Variants in NFKBID observed in about 807,000 individuals in gnomAD.
NFKBID encodes NF-kappa-B inhibitor delta.
A neutral mutation model predicts 53.4 loss-of-function variants in NFKBID; 26 were observed. That is an observed-to-expected ratio of 0.49 (90% CI 0.36 to 0.68). The LOEUF is 0.68. NFKBID is among the 30% of genes least tolerant of loss of function. NFKBID has a pLI of 0.00. For missense variants in NFKBID, 493 were observed against 614.1 expected, an observed-to-expected ratio of 0.80 and a Z score of 2.08; for synonymous variants, 262 against 259.8, an observed-to-expected ratio of 1.01 and a Z score of -0.08.
At chr19:35,897,915 C>G in intron 3 of NFKBID, 59 bp from the exon 4 acceptor site, 1 of 1,238,912 alleles carries the variant, frequency 8.1e-7, no homozygotes, top group Non-Finnish European at 1.1e-6. Context: ...GACGTCACAT[C>G]CAGGGCTAGA....
At chr19:35,893,101 C>T (rs1195673263) in intron 9 of NFKBID, among the ~76,000 whole-genome samples, 1 of 152,146 alleles carries the variant, frequency 6.6e-6, no homozygotes, top group South Asian at 2.1e-4. Flanking sequence ...GTCAGGAAGT[C>T]GAGGCTGCAG....
rs894719168 is a variant in NFKBID, at chr19:35,889,893, C to T, written c.1311G>A (p.Glu437=). The T allele has an allele frequency of 5.6e-6, 9 of 1,607,060 alleles. No individual in the cohort carries two copies. The African/African-American group carries it at 8.0e-5, about 14-fold the overall frequency. Residue 437 remains glutamate, a synonymous_variant, in exon 11 of 12, where the codon GAG becomes GAA. Transcript: ENST00000641389. Reference sequence around the variant, plus strand: ...GGCAGGCTCAGTGCTTACTTACCCCCTCAGGGCCCGGCCCGGGCCGCAGCA... The same window carrying T: ...GGCAGGCTCAGTGCTTACTTACCCCTTCAGGGCCCGGCCCGGGCCGCAGCA...
intron 9 of NFKBID, among the ~76,000 whole-genome samples, chr19:35,895,616 A>T (rs776341342): frequency 6.6e-6 from 1 of 152,030 alleles, no homozygotes; most frequent in Non-Finnish European, 1.5e-5. Flanking sequence ...AGCAAGACCA[A>T]TGTGGAGAAA....
upstream of NFKBID, among the ~76,000 whole-genome samples, chr19:35,900,835 T>C (rs1405372403): frequency 2.1e-5 from 3 of 143,134 alleles, no homozygotes; most frequent in Non-Finnish European, 4.6e-5. Flanking sequence ...TTCTTTTTTT[T>C]TTTTTTTTTT....
At chr19:35,902,174 C>T (rs764002071), upstream of NFKBID, 10 of 702,964 alleles carry the variant, frequency 1.4e-5, no homozygotes, top group African/African-American at 5.2e-5. Context: ...TCACTTTCCC[C>T]GCAAACCCAC....
chr19:35,900,990 G>C (rs1014940470), upstream of NFKBID, among the ~76,000 whole-genome samples: 1 of 151,952 alleles, frequency 6.6e-6, no homozygotes, highest in African/African-American at 2.4e-5. Flanking sequence ...TGGACACCAT[G>C]CCTGGCTAAT....
intron 9 of NFKBID, among the ~76,000 whole-genome samples, chr19:35,895,064 T>C (rs192468985): frequency 4.6e-5 from 7 of 151,970 alleles, no homozygotes; most frequent in African/African-American, 1.7e-4. Context: ...GAAAATAGAG[T>C]ACACATGTCA....
At position 35,896,792 on chromosome 19, in the gene NFKBID, C is replaced by A; in HGVS notation, c.618G>T (p.Ala206=). 6.2e-7 allele frequency: 1 copy of A among 1,613,984 alleles called. No homozygotes were observed. Among genetic ancestry groups the A allele is most frequent in the Non-Finnish European group, 8.5e-7 (1 of 1,179,890 alleles). ...GGAGCACCTCAGCCGCAGCATATGC[C>A]GCCCAGCGCAGCCCCCGAGCCGCAA... Residue 206 remains alanine, a synonymous_variant, in exon 6 of 12, where the codon GCG becomes GCT. Transcript: ENST00000641389. The surrounding 1 kb of genome is among the most constrained non-coding windows in gnomAD (Gnocchi z 5.7).
chr19:35,889,352 C>T (rs1397530776), intron 11 of NFKBID, among the ~76,000 whole-genome samples: 5 of 151,910 alleles, frequency 3.3e-5, no homozygotes, highest in Admixed American at 2.0e-4. Context: ...CAAGACGCTG[C>T]CTCAAAATAA....
At chr19:35,894,358 G>C (rs1349843679) in intron 9 of NFKBID, among the ~76,000 whole-genome samples, 3 of 152,154 alleles carry the variant, frequency 2.0e-5, no homozygotes, top group Non-Finnish European at 4.4e-5. Context: ...TTAAAAGCTA[G>C]GTTCTAAAGT....
intron 1 of NFKBID, among the ~76,000 whole-genome samples, chr19:35,899,221 AT>A (rs1290737188): frequency 1.3e-5 from 2 of 151,940 alleles, no homozygotes; most frequent in Non-Finnish European, 2.9e-5. Flanking sequence ...GGTTCCCAAC[AT>A]TTTTTTCCCT....
intron 1 of NFKBID, 56 bp downstream of exon 1, chr19:35,900,386 A>C: frequency 8.4e-7 from 1 of 1,195,358 alleles, no homozygotes; most frequent in Non-Finnish European, 1.0e-6. Flanking sequence ...GAGTCTTTCG[A>C]TCCTCAGTCC....
upstream of NFKBID, chr19:35,901,869 C>T (rs1339399441): frequency 1.0e-5 from 4 of 382,184 alleles, no homozygotes; most frequent in Non-Finnish European, 1.9e-5. Context: ...CTCTCCCCTG[C>T]TTTCAAGATG....
intron 9 of NFKBID, 134 bp from the exon 10 acceptor site, chr19:35,890,624 G>C: frequency 1.3e-6 from 1 of 748,824 alleles, no homozygotes; most frequent in Non-Finnish European, 2.4e-6. Context: ...AGCACTTTGG[G>C]AAGCTGAAGA....
rs910277255 is a variant in NFKBID at position 35,898,675 on chromosome 19, G to A, written c.165+44C>T. ...CCCGGCAAGCCGCTGAGTCCCTACG[G>A]GACAGCACGGGGCCTCCGGAGAGCT... On this transcript the variant is annotated intron_variant, in intron 2 of 11. Transcript: ENST00000641389. 5.3e-6 allele frequency: 8 copies of A among 1,509,888 alleles called. No individual in the cohort carries two copies. The African/African-American group carries it at 7.0e-5, about 13-fold the overall frequency. 93.5% of individuals were successfully genotyped at this position (1,509,888 alleles called of 1,614,324 possible).
chr19:35,900,007 G>A (rs946968802), intron 1 of NFKBID, among the ~76,000 whole-genome samples: 2 of 144,148 alleles, frequency 1.4e-5, no homozygotes, highest in African/African-American at 5.2e-5. Context: ...GTCACCGCCA[G>A]CGTAGACCCT....
intron 1 of NFKBID, among the ~76,000 whole-genome samples, chr19:35,900,069 A>ACC (rs1975465515): frequency 2.3e-4 from 2 of 8,840 alleles, no homozygotes; most frequent in Non-Finnish European, 2.6e-4. Flanking sequence ...ATTTTAAGCA[A>ACC]CCACGCCCCC....
chr19:35,900,277 C>T (rs1282085077), intron 1 of NFKBID, among the ~76,000 whole-genome samples, 165 bp downstream of exon 1: 1 of 151,880 alleles, frequency 6.6e-6, no homozygotes, highest in Non-Finnish European at 1.5e-5. Context: ...CCAGCCGCCC[C>T]TCTGTCACGA....
exon 4 of NFKBID, chr19:35,897,854 G>A (rs752183489): frequency 6.5e-7 from 1 of 1,543,876 alleles, no homozygotes; most frequent in Middle Eastern, 1.9e-4. Context: ...AAGGGAGGGT[G>A]GCCTGCGTGT....
Sources: allele counts gnomAD v4.1 joint callset (sites outside exome capture counted in the v4.1 genomes callset), GRCh38; gene constraint gnomAD v4.1.1; non-coding constraint Gnocchi (gnomAD v3.1); transcripts MANE v1.5; gene names NCBI Gene and HGNC (gene_info 2026-07-23, HGNC 2026-07-21).